IQGAP2: variants seen among roughly 807,000 people sequenced by gnomAD.
The protein encoded by IQGAP2 is IQ motif containing GTPase activating protein 2.
IQGAP2 carries 173 observed loss-of-function variants against 201.3 expected under a neutral mutation model. That is an observed-to-expected ratio of 0.86 (90% CI 0.76 to 0.98). The LOEUF (loss-of-function observed/expected upper bound fraction) is 0.98. Among genes scored for constraint, IQGAP2 ranks in the 50% least tolerant of loss-of-function variants. IQGAP2 has a pLI of 0.00. For synonymous variants in IQGAP2, 675 were observed against 673.9 expected (o/e 1.00, Z -0.03); for missense variants, 1,687 against 1,864.8 (o/e 0.90, Z 1.76).
At chr5:76,417,445 A>G (rs1172135067) in intron 1 of IQGAP2, among the ~76,000 whole-genome samples, 2 of 151,956 alleles carry the variant, frequency 1.3e-5, no homozygotes, top group East Asian at 3.9e-4. Flanking sequence ...GTCTGCTACC[A>G]TGCTGAGTTT....
At chr5:76,526,570 G>A (rs1398630248) in intron 2 of IQGAP2, among the ~76,000 whole-genome samples, 7 of 152,138 alleles carry the variant, frequency 4.6e-5, no homozygotes, top group African/African-American at 1.4e-4. Context: ...ACAGCTTTTT[G>A]TTCATTATAA....
chr5:76,429,604 T>TATACATATATAAATA (rs1752235975), intron 1 of IQGAP2, among the ~76,000 whole-genome samples: 1 of 136,708 alleles, frequency 7.3e-6, no homozygotes. Context: ...ATATGTATAT[T>TATACATATATAAATA]TATATATATA....
chr5:76,584,048 T>G (rs1746069505), intron 5 of IQGAP2, among the ~76,000 whole-genome samples: 1 of 152,100 alleles, frequency 6.6e-6, no homozygotes, highest in Non-Finnish European at 1.5e-5. Flanking sequence ...AATTTTTGTA[T>G]TTTTAGTAGA....
At chr5:76,640,688 C>CA (rs1217096349) in intron 16 of IQGAP2, among the ~76,000 whole-genome samples, 7 of 152,208 alleles carry the variant, frequency 4.6e-5, no homozygotes, top group African/African-American at 1.7e-4. Context: ...TCTCTGCCTC[C>CA]AAATCCTGAG....
chr5:76,428,332 C>T (rs1223917973), intron 1 of IQGAP2, among the ~76,000 whole-genome samples: 2 of 151,934 alleles, frequency 1.3e-5, no homozygotes, highest in Non-Finnish European at 2.9e-5. Context: ...TGGTATTGGG[C>T]ACCACGTGAA....
At chr5:76,659,098 G>C (rs1464022789) in intron 21 of IQGAP2, among the ~76,000 whole-genome samples, 1 of 152,244 alleles carries the variant, frequency 6.6e-6, no homozygotes, top group South Asian at 2.1e-4. Context: ...GTCTAGCTAA[G>C]TTCATTTGGA....
intron 30 of IQGAP2, among the ~76,000 whole-genome samples, chr5:76,685,335 T>G (rs774363601): frequency 3.9e-5 from 6 of 152,154 alleles, no homozygotes; most frequent in Admixed American, 1.3e-4. Context: ...AGGCCAAGTA[T>G]CCCATGATCT....
intron 2 of IQGAP2, among the ~76,000 whole-genome samples, chr5:76,535,242 G>A (rs1580400973): frequency 6.6e-6 from 1 of 152,064 alleles, no homozygotes; most frequent in African/African-American, 2.4e-5. Context: ...GTAAGCAAGA[G>A]TGAATCCAGA....
intron 13 of IQGAP2, among the ~76,000 whole-genome samples, chr5:76,614,745 C>T (rs1474071808): frequency 1.3e-5 from 2 of 150,980 alleles, no homozygotes; most frequent in African/African-American, 2.4e-5. Context: ...CCACCACATT[C>T]AGCATCCTCT....
At chr5:76,536,774 A>AAC in intron 2 of IQGAP2, among the ~76,000 whole-genome samples, 1 of 152,292 alleles carries the variant, frequency 6.6e-6, no homozygotes, top group East Asian at 1.9e-4. Flanking sequence ...AAAAAAAAAA[A>AAC]AAAATTTGGT....
chr5:76,541,327 C>A (rs1054095458), intron 2 of IQGAP2, among the ~76,000 whole-genome samples: 2 of 152,154 alleles, frequency 1.3e-5, no homozygotes, highest in South Asian at 2.1e-4. Flanking sequence ...AGTGTCATGT[C>A]TTCAAGTTTC....
intron 2 of IQGAP2, among the ~76,000 whole-genome samples, chr5:76,532,577 G>A (rs1485547468): frequency 6.6e-6 from 1 of 152,080 alleles, no homozygotes; most frequent in Admixed American, 6.5e-5. Context: ...GTTTAAAGCT[G>A]ACTATCTCAT....
chr5:76,543,027 G>A (rs1742872500), intron 2 of IQGAP2, among the ~76,000 whole-genome samples: 1 of 152,218 alleles, frequency 6.6e-6, no homozygotes, highest in Non-Finnish European at 1.5e-5. Flanking sequence ...AGCAATGGCT[G>A]TAGCTGTTTA....
At chr5:76,670,904 C>T (rs1744250168) in intron 23 of IQGAP2, among the ~76,000 whole-genome samples, 1 of 152,244 alleles carries the variant, frequency 6.6e-6, no homozygotes, top group Non-Finnish European at 1.5e-5. Flanking sequence ...CTCATACCTG[C>T]CTTCTAGATT....
At chr5:76,555,241 A>AAT in intron 2 of IQGAP2, among the ~76,000 whole-genome samples, 1 of 152,350 alleles carries the variant, frequency 6.6e-6, no homozygotes. Flanking sequence ...CAACCCTGTG[A>AAT]ATATACTACA....
At position 76,589,686 on chromosome 5, in the gene IQGAP2, G is replaced by T. The variant is rs751575313; in HGVS notation, c.598G>T (p.Gly200Cys). ...ACAGATGCCATCTTTCAGCAAAATA[G>T]GTGGTATTCTGGCCAATGAACTGTC... Reference protein sequence around the residue: ...GIQMPSFSKIGGILANELSVD... With the variant: ...GIQMPSFSKICGILANELSVD... Residue 200 changes from glycine to cysteine, a missense_variant, in exon 7 of 36, where the codon GGT becomes TGT. By Grantham distance (159) the Gly-to-Cys change is radical (BLOSUM62 -3). Transcript: ENST00000274364. The T allele has an allele frequency of 1.2e-6, 2 of 1,608,896 alleles. No homozygotes were observed. Among genetic ancestry groups the T allele is most frequent in the Non-Finnish European group, 1.7e-6 (2 of 1,177,638 alleles).
At chr5:76,671,091 A>G (rs370107563) in intron 23 of IQGAP2, among the ~76,000 whole-genome samples, 6 of 151,204 alleles carry the variant, frequency 4.0e-5, no homozygotes, top group African/African-American at 7.3e-5. Context: ...GTGAAACTCT[A>G]TCTCTCTGAA....
intron 1 of IQGAP2, among the ~76,000 whole-genome samples, chr5:76,417,936 C>T (rs574755292): frequency 4.0e-5 from 6 of 150,970 alleles, no homozygotes; most frequent in African/African-American, 9.7e-5. Flanking sequence ...TGGCTGGGCG[C>T]GGTGGCTCAC....
chr5:76,665,129 G>A lies in IQGAP2; in HGVS notation c.2633G>A (p.Arg878Lys). 1 of 1,613,312 alleles carries A rather than the reference G, an allele frequency of 6.2e-7. No homozygotes were observed. The highest frequency in any genetic ancestry group is 8.5e-7 in the Non-Finnish European group (1 of 1,179,368). Reference sequence around the variant, plus strand: ...GGAATAAAAAGTTTGAGTAAGGAGAGGAGAAAAACACTAGAAACATATCAG... The same window carrying A: ...GGAATAAAAAGTTTGAGTAAGGAGAAGAGAAAAACACTAGAAACATATCAG... The part of the protein sequence containing the change: ...NQGIKSLSKE[R>K]RKTLETYQQL... Residue 878 changes from arginine to lysine, a missense_variant, in exon 22 of 36, where the codon AGG (arginine) becomes AAG (lysine). Arg to Lys is a conservative substitution (Grantham distance 26, BLOSUM62 2). Transcript: ENST00000274364.
Sources: gnomAD v4.1 joint callset for allele counts (sites outside exome capture counted in the v4.1 genomes callset) on GRCh38, gnomAD v4.1.1 for gene constraint, MANE v1.5 for transcripts, NCBI Gene and HGNC (gene_info 2026-07-23, HGNC 2026-07-21) for gene names.